VPS13D: variants seen among roughly 807,000 people sequenced by gnomAD.
The protein encoded by VPS13D is intermembrane lipid transfer protein VPS13D.
Under a neutral mutation model 461.9 loss-of-function variants are expected in VPS13D, and 187 were observed. The observed-to-expected ratio is 0.40, with a 90% CI of 0.36 to 0.46. VPS13D has a LOEUF of 0.46. Among genes scored for constraint, VPS13D ranks in the 20% least tolerant of loss-of-function variants. The pLI, the probability that VPS13D is intolerant of heterozygous loss-of-function variation, is 0.60. For missense variants in VPS13D, 4,711 were observed against 5,364.9 expected (o/e 0.88, Z 3.81); for synonymous variants, 1,951 against 1,986.3 (o/e 0.98, Z 0.47).
chr1:12,469,318 T>C (rs779724759), intron 67 of VPS13D, among the ~76,000 whole-genome samples: 13 of 152,338 alleles, frequency 8.5e-5, no homozygotes, highest in Non-Finnish European at 1.3e-4. Flanking sequence ...TTTATAATAG[T>C]ATTCTCTAAT....
intron 65 of VPS13D, among the ~76,000 whole-genome samples, chr1:12,418,745 C>T (rs1265576201): frequency 1.3e-5 from 2 of 152,116 alleles, no homozygotes; most frequent in African/African-American, 2.4e-5. Flanking sequence ...ACTTGAGCCA[C>T]CAGGAAGCCA....
rs762733941 is a variant in VPS13D, at chr1:12,277,574, TAGC to T, written c.3987_3989del (p.Ala1330del). ...GCAGCCACCAAAGTCACCACAGTAC[TAGC>T]TACCAAGACTGCCGAGTATAGCGAG... On this transcript the variant is annotated inframe_deletion, in exon 19 of 70. Transcript: ENST00000620676. 1 of 1,613,980 alleles carries T rather than the reference TAGC, an allele frequency of 6.2e-7. No individual in the cohort carries two copies. Among genetic ancestry groups the T allele is most frequent in the Non-Finnish European group, 8.5e-7 (1 of 1,180,028 alleles).
rs1474907006 is a variant in VPS13D, at chr1:12,321,817, A to G, written c.7557A>G (p.Ser2519=). The G allele has an allele frequency of 7.5e-6, 12 of 1,599,280 alleles. No homozygotes were observed. Among genetic ancestry groups the G allele is most frequent in the Non-Finnish European group, 1.0e-5 (12 of 1,175,854 alleles). Residue 2519 remains serine, a synonymous_variant, in exon 33 of 70, where the codon TCA becomes TCG. Transcript: ENST00000620676. ...TGCATTTCATTCTGTAGGTGTTTTC[A>G]TGCCGACTAGGGAATGAGCATGATA... ...SGSLFGIEVF[S]CRLGNEHDTA...
chr1:12,267,134 G>C, intron 14 of VPS13D, 123 bp downstream of exon 14: 1 of 1,129,754 alleles, frequency 8.9e-7, no homozygotes, highest in Non-Finnish European at 1.2e-6. Flanking sequence ...GCTGGGATTA[G>C]AAAAGTTTCT....
rs76950445 is a variant in VPS13D at position 12,377,634 on chromosome 1, A to G, written c.10918-794A>G. Among the ~76,000 whole-genome samples, 20 of 151,922 alleles carry G rather than the reference A, an allele frequency of 1.3e-4. No individual in the cohort carries two copies. The East Asian group carries it at 3.9e-3, about 30-fold the overall frequency. ...CAGGAGTTTGAGACCAGCCTGGCCAACATGGCGAAACCCTGTCTCTACTAA... is the reference window on the plus strand; with the variant it reads ...CAGGAGTTTGAGACCAGCCTGGCCAGCATGGCGAAACCCTGTCTCTACTAA... On this transcript the variant is annotated intron_variant, in intron 55 of 69. Transcript: ENST00000620676.
At chr1:12,280,441 C>G (rs1641744154) in intron 20 of VPS13D, among the ~76,000 whole-genome samples, 1 of 151,552 alleles carries the variant, frequency 6.6e-6, no homozygotes, top group African/African-American at 2.4e-5. Context: ...GCTACCAGGA[C>G]AAATTTTTCA....
At chr1:12,376,837 G>T (rs1644205124) in intron 55 of VPS13D, among the ~76,000 whole-genome samples, 2 of 152,122 alleles carry the variant, frequency 1.3e-5, no homozygotes, top group South Asian at 4.1e-4. Flanking sequence ...TGACTGAAAA[G>T]GAATGATACA....
chr1:12,243,608 A>C (rs1030123450), intron 3 of VPS13D, among the ~76,000 whole-genome samples: 1 of 152,178 alleles, frequency 6.6e-6, no homozygotes, highest in Admixed American at 6.5e-5. Context: ...CCTGGGCAAC[A>C]CTGCTTGACT....
chr1:12,292,085 C>G (rs1299720055), intron 23 of VPS13D, among the ~76,000 whole-genome samples: 1 of 151,718 alleles, frequency 6.6e-6, no homozygotes, highest in African/African-American at 2.4e-5. Context: ...ATGATGAAAC[C>G]CCATCTCTAC....
chr1:12,415,541 C>T (rs1230128393), intron 64 of VPS13D, among the ~76,000 whole-genome samples: 1 of 150,566 alleles, frequency 6.6e-6, no homozygotes, highest in African/African-American at 2.4e-5. Context: ...AGGCATGGGC[C>T]TTCTTTCAGC....
intron 5 of VPS13D, among the ~76,000 whole-genome samples, chr1:12,246,901 G>C (rs952946894): frequency 6.6e-6 from 1 of 152,140 alleles, no homozygotes; most frequent in African/African-American, 2.4e-5. Context: ...ATTTGGGTTG[G>C]TTCTCCTTTT....
chr1:12,496,017 T>C (rs144312269), intron 67 of VPS13D, among the ~76,000 whole-genome samples: 2,930 of 152,262 alleles, frequency 0.019, 109 homozygotes, highest in Admixed American at 0.1. Context: ...CTCCCCACTT[T>C]CGATCGATAT....
intron 54 of VPS13D, among the ~76,000 whole-genome samples, chr1:12,370,178 T>A (rs1372474252): frequency 1.3e-5 from 2 of 152,204 alleles, no homozygotes; most frequent in African/African-American, 4.8e-5. Flanking sequence ...AGAATTATAA[T>A]CTTCACTGTT....
rs147908462 is a variant in VPS13D, at chr1:12,501,859, C to T, written c.12794+4228C>T. ...TTCACAGAGAAGGCGCTGGATGAGT[C>T]GCCTGACCTTGCAGGAGGCGGAGGA... is the stretch of plus-strand genomic sequence containing the variant. On this transcript the variant is annotated intron_variant, in intron 68 of 69. Coordinates refer to ENST00000620676, the MANE Select transcript of VPS13D (RefSeq NM_015378.4). Among the ~76,000 whole-genome samples the T allele has an allele frequency of 1.3e-4, 20 of 152,280 alleles. No homozygotes were observed. In the East Asian group the frequency reaches 1.3e-3, roughly 10 times the overall value.
chr1:12,480,196 A>G (rs1001464177), intron 67 of VPS13D, among the ~76,000 whole-genome samples: 1 of 152,166 alleles, frequency 6.6e-6, no homozygotes, highest in African/African-American at 2.4e-5. Context: ...AATAGCAGTG[A>G]CACTTCTCTG....
At chr1:12,329,142 T>C (rs1162790161) in intron 36 of VPS13D, among the ~76,000 whole-genome samples, 1 of 152,222 alleles carries the variant, frequency 6.6e-6, no homozygotes, top group Admixed American at 6.5e-5. Context: ...TGAGCTAATA[T>C]TTATCAGAAC....
At chr1:12,477,280 CTCTT>C (rs1303481298) in intron 67 of VPS13D, among the ~76,000 whole-genome samples, 3 of 152,160 alleles carry the variant, frequency 2.0e-5, no homozygotes, top group South Asian at 2.1e-4. Context: ...GTTCCTCCTA[CTCTT>C]TCTTTCTCTA....
intron 50 of VPS13D, 78 bp downstream of exon 50, chr1:12,358,679 G>A (rs915090016): frequency 2.3e-5 from 36 of 1,553,366 alleles, no homozygotes; most frequent in Middle Eastern, 1.8e-4. Flanking sequence ...ACCTGGCCAT[G>A]CATTTTGGCC....
chr1:12,422,573 A>T (rs1644877082), intron 65 of VPS13D, among the ~76,000 whole-genome samples: 1 of 152,172 alleles, frequency 6.6e-6, no homozygotes, highest in African/African-American at 2.4e-5. Flanking sequence ...TTTTTAGATG[A>T]TTTCTTGGTA....
Sources: gnomAD v4.1 joint callset for allele counts (sites outside exome capture counted in the v4.1 genomes callset) on GRCh38, gnomAD v4.1.1 for gene constraint, MANE v1.5 for transcripts, NCBI Gene and HGNC (gene_info 2026-07-23, HGNC 2026-07-21) for gene names.